Variants in PEX5L observed in about 807,000 individuals in gnomAD.
The protein encoded by PEX5L is PEX5-related protein.
PEX5L carries 30 observed loss-of-function variants against 84.0 expected under a neutral mutation model. That is an observed-to-expected ratio of 0.36 (90% confidence interval 0.27 to 0.48). PEX5L has a LOEUF of 0.48. PEX5L is among the 20% of genes least tolerant of loss of function. The pLI is 0.99. For missense variants in PEX5L, 533 were observed against 754.6 expected (o/e 0.71, Z 3.44); for synonymous variants, 270 against 283.1 (o/e 0.95, Z 0.46).
chr3:179,935,813 C>T (rs970063897), intron 2 of PEX5L, among the ~76,000 whole-genome samples: 1 of 152,146 alleles, frequency 6.6e-6, no homozygotes, highest in Admixed American at 6.5e-5. Context: ...TGATGCTATT[C>T]TTGTGATAGT....
rs1307323158 is a variant in PEX5L, at chr3:179,795,934, T to G, written c.*5894A>C. On this transcript the variant is annotated 3_prime_UTR_variant, in exon 15 of 15. Coordinates refer to ENST00000467460, the MANE Select transcript of PEX5L (RefSeq NM_016559.3). ...ATGTAAATTGAAAGTTTGGGTTAGA[T>G]GATATATAGGGAACATGAAAGGAAG... is the stretch of plus-strand genomic sequence containing the variant. The G allele has an allele frequency of 1.3e-5, 2 of 152,212 alleles. No homozygotes were observed. The highest frequency in any genetic ancestry group is 6.5e-5 in the Admixed American group (1 of 15,272). The allele number at this position is 152,212 out of a possible 1,614,324, so 9.4% of individuals were successfully genotyped here.
chr3:180,006,933 C>T (rs1788956073), intron 1 of PEX5L, among the ~76,000 whole-genome samples: 1 of 152,148 alleles, frequency 6.6e-6, no homozygotes, highest in African/African-American at 2.4e-5. Context: ...GATTCCACCC[C>T]TTACTCCTAA....
chr3:179,886,910 C>G (rs1409541401), intron 4 of PEX5L, among the ~76,000 whole-genome samples: 1 of 152,194 alleles, frequency 6.6e-6, no homozygotes, highest in African/African-American at 2.4e-5. Flanking sequence ...TCCAACATAA[C>G]CTTTGTTCTT....
intron 2 of PEX5L, among the ~76,000 whole-genome samples, chr3:179,945,325 C>G (rs1405456662): frequency 6.6e-6 from 1 of 152,126 alleles, no homozygotes; most frequent in Non-Finnish European, 1.5e-5. Context: ...GAGCTGGTGT[C>G]CCTACTGAGA....
intron 1 of PEX5L, among the ~76,000 whole-genome samples, chr3:179,992,995 T>C (rs1023519230): frequency 1.3e-5 from 2 of 151,980 alleles, no homozygotes; most frequent in African/African-American, 4.8e-5. Context: ...AAAGATTGTA[T>C]AATCATTTTT....
At chr3:179,825,101 T>C (rs1291265641) in intron 8 of PEX5L, among the ~76,000 whole-genome samples, 7 of 152,194 alleles carry the variant, frequency 4.6e-5, no homozygotes, top group Non-Finnish European at 8.8e-5. Context: ...ATTGACAAAC[T>C]GGAATCTCTT....
At position 180,011,734 on chromosome 3, in the gene PEX5L, A is replaced by G. The variant is rs549234257; in HGVS notation, c.21+24845T>C. On this transcript the variant is annotated intron_variant, in intron 1 of 14. Coordinates refer to ENST00000467460, the MANE Select transcript of PEX5L (RefSeq NM_016559.3). ...AAATATGAGGTTCCATTAGACAGTGAGCTATCCCTCACTCCCTCTTTCATC... is the reference window on the plus strand; with the variant it reads ...AAATATGAGGTTCCATTAGACAGTGGGCTATCCCTCACTCCCTCTTTCATC... Among the ~76,000 whole-genome samples the G allele has an allele frequency of 2.6e-5, 4 of 152,314 alleles. No individual in the cohort carries two copies. In the South Asian group the frequency reaches 8.3e-4, roughly 32 times the overall value.
chr3:179,982,923 T>A (rs1408192783), intron 1 of PEX5L, among the ~76,000 whole-genome samples: 2 of 152,006 alleles, frequency 1.3e-5, no homozygotes, highest in East Asian at 3.9e-4. Flanking sequence ...ATTTTTCTTT[T>A]AAAAAAAACC....
intron 8 of PEX5L, among the ~76,000 whole-genome samples, chr3:179,846,234 C>T (rs1259823593): frequency 6.6e-6 from 1 of 152,064 alleles, no homozygotes; most frequent in African/African-American, 2.4e-5. Context: ...AAGAGTTGTA[C>T]ATATTTATGA....
At position 179,973,531 on chromosome 3, in the gene PEX5L, T is replaced by C. The variant is rs888242385; in HGVS notation, c.22-1866A>G. On this transcript the variant is annotated intron_variant, in intron 1 of 14. Coordinates refer to ENST00000467460, the MANE Select transcript of PEX5L (RefSeq NM_016559.3). ...TTTAAAAAATCTACCTATTTTAAAT[T>C]ATATAATTTTTGTATTTACTTCTCT... The C allele has an allele frequency of 1.1e-5, 11 of 960,362 alleles. No homozygotes were observed. In the African/African-American group the frequency reaches 1.9e-4, roughly 17 times the overall value. The allele number at this position is 960,362 out of a possible 1,614,324, so 59.5% of individuals were successfully genotyped here. A position where few individuals can be genotyped will look rare whatever the true frequency, so the allele number is the denominator to read the frequency against.
intron 8 of PEX5L, among the ~76,000 whole-genome samples, chr3:179,846,140 A>C (rs1233774831): frequency 6.6e-6 from 1 of 152,226 alleles, no homozygotes; most frequent in Admixed American, 6.5e-5. Flanking sequence ...ACTGCACTCC[A>C]GCCTGGGTGA....
intron 9 of PEX5L, among the ~76,000 whole-genome samples, chr3:179,819,039 T>TC: frequency 6.6e-6 from 1 of 151,730 alleles, no homozygotes; most frequent in East Asian, 1.9e-4. Context: ...TTCTTTCTTT[T>TC]TTTTTTTTGG....
chr3:179,908,865 T>G (rs1020137780), intron 2 of PEX5L, among the ~76,000 whole-genome samples: 2 of 152,184 alleles, frequency 1.3e-5, no homozygotes, highest in Admixed American at 6.5e-5. Context: ...ATCCAGTCTA[T>G]CATTGTTGGA....
At chr3:179,861,843 T>C (rs1250565343) in intron 7 of PEX5L, among the ~76,000 whole-genome samples, 2 of 152,192 alleles carry the variant, frequency 1.3e-5, no homozygotes, top group African/African-American at 4.8e-5. Context: ...GAACTTGTGA[T>C]AGAAAAATGT....
chr3:179,811,480 A>G (rs1436385981), intron 11 of PEX5L, among the ~76,000 whole-genome samples: 1 of 152,052 alleles, frequency 6.6e-6, no homozygotes, highest in Admixed American at 6.5e-5. Flanking sequence ...TTTGAAGAAT[A>G]TTTTCAGATG....
At chr3:179,808,491 G>T (rs1478635485) in intron 12 of PEX5L, 54 bp from the exon 13 acceptor site, 7 of 1,241,950 alleles carry the variant, frequency 5.6e-6, no homozygotes, top group South Asian at 2.2e-5. Context: ...GAACATAAAT[G>T]ATTTACTGTT....
chr3:179,908,019 G>A (rs889652823), intron 2 of PEX5L, among the ~76,000 whole-genome samples: 2 of 152,180 alleles, frequency 1.3e-5, no homozygotes, highest in African/African-American at 2.4e-5. Flanking sequence ...TGCAGCTAAG[G>A]TACTCCATCT....
At chr3:179,804,739 A>G (rs1046735232) in intron 14 of PEX5L, among the ~76,000 whole-genome samples, 1 of 152,158 alleles carries the variant, frequency 6.6e-6, no homozygotes, top group Admixed American at 6.5e-5. Context: ...CTTCCTTTTG[A>G]GCTCTTTCTC....
chr3:179,842,663 G>T (rs1269589166), intron 8 of PEX5L, among the ~76,000 whole-genome samples: 3 of 152,098 alleles, frequency 2.0e-5, no homozygotes, highest in Admixed American at 2.0e-4. Context: ...ATATACTAAA[G>T]AAGGCAGGAA....
Sources: gnomAD v4.1 joint callset for allele counts (sites outside exome capture counted in the v4.1 genomes callset) on GRCh38, gnomAD v4.1.1 for gene constraint, MANE v1.5 for transcripts, NCBI Gene and HGNC (gene_info 2026-07-23, HGNC 2026-07-21) for gene names.